TAFA2: variants seen among roughly 807,000 people sequenced by gnomAD.
TAFA2 encodes the protein chemokine-like protein TAFA-2.
Under a neutral mutation model 18.8 loss-of-function variants are expected in TAFA2, and 7 were observed. The ratio of observed to expected loss-of-function variants is 0.37; its 90% CI spans 0.21 to 0.70. The LOEUF is 0.70. TAFA2 is among the 30% of genes least tolerant of loss of function. TAFA2 has a pLI of 0.53. For synonymous variants in TAFA2, 60 were observed against 54.2 expected, an observed-to-expected ratio of 1.11 and a Z score of -0.47; for missense variants, 122 against 158.1, an observed-to-expected ratio of 0.77 and a Z score of 1.23.
At chr12:62,083,657 A>G (rs1868357422) in intron 1 of TAFA2, among the ~76,000 whole-genome samples, 1 of 152,204 alleles carries the variant, frequency 6.6e-6, no homozygotes, top group African/African-American at 2.4e-5. Context: ...TGCCATTAAG[A>G]AATTTGGTTC....
At chr12:62,185,957 T>A (rs1189670869) in intron 1 of TAFA2, among the ~76,000 whole-genome samples, 2 of 152,222 alleles carry the variant, frequency 1.3e-5, no homozygotes, top group Non-Finnish European at 2.9e-5. Context: ...GACAATAATT[T>A]TGAATGATCA....
chr12:61,834,962 T>C (rs1872859695), intron 2 of TAFA2, among the ~76,000 whole-genome samples: 1 of 151,990 alleles, frequency 6.6e-6, no homozygotes, highest in African/African-American at 2.4e-5. Context: ...CTTTTTTCTG[T>C]CATTTTCTTA....
chr12:61,961,961 T>C (rs186610226), intron 1 of TAFA2, among the ~76,000 whole-genome samples: 31 of 152,180 alleles, frequency 2.0e-4, no homozygotes, highest in Admixed American at 3.9e-4. Flanking sequence ...TGTACTTATT[T>C]CCTCTAATCA....
intron 2 of TAFA2, among the ~76,000 whole-genome samples, chr12:61,794,766 A>G (rs2120938500): frequency 6.6e-6 from 1 of 152,294 alleles, no homozygotes; most frequent in East Asian, 1.9e-4. Context: ...GCACAGCAAA[A>G]GAAACCACCA....
intron 1 of TAFA2, among the ~76,000 whole-genome samples, chr12:62,162,785 T>C (rs1409044917): frequency 1.3e-5 from 2 of 152,050 alleles, no homozygotes; most frequent in African/African-American, 4.8e-5. Flanking sequence ...CAAATAGAAA[T>C]TTAGATCAAT....
chr12:61,883,794 C>A (rs1875251221), intron 1 of TAFA2, among the ~76,000 whole-genome samples: 1 of 152,172 alleles, frequency 6.6e-6, no homozygotes, highest in African/African-American at 2.4e-5. Context: ...ATTACTTTAA[C>A]TCAGTTTTTC....
chr12:62,114,716 C>A (rs904647057), intron 1 of TAFA2, among the ~76,000 whole-genome samples: 2 of 152,168 alleles, frequency 1.3e-5, no homozygotes, highest in Non-Finnish European at 1.5e-5. Flanking sequence ...CCGAGGTTCA[C>A]AAAGGTACTA....
chr12:61,765,038 G>A (rs771728504), intron 2 of TAFA2, among the ~76,000 whole-genome samples: 3 of 152,098 alleles, frequency 2.0e-5, no homozygotes, highest in Non-Finnish European at 4.4e-5. Flanking sequence ...AGAAGAAAGT[G>A]CTTTCCTATG....
At chr12:62,086,697 G>T (rs541062757) in intron 1 of TAFA2, among the ~76,000 whole-genome samples, 236 of 152,212 alleles carry the variant, frequency 1.6e-3, no homozygotes, top group African/African-American at 5.5e-3. Flanking sequence ...CTTGCTCATT[G>T]CTGGAGGGAA....
intron 1 of TAFA2, among the ~76,000 whole-genome samples, chr12:62,119,767 C>T (rs985248788): frequency 6.6e-6 from 1 of 152,132 alleles, no homozygotes; most frequent in Non-Finnish European, 1.5e-5. Context: ...GGTATGACTG[C>T]ATCTCTGTAA....
At chr12:62,108,815 C>T (rs1330643954) in intron 1 of TAFA2, among the ~76,000 whole-genome samples, 5 of 152,160 alleles carry the variant, frequency 3.3e-5, no homozygotes, top group African/African-American at 1.2e-4. Context: ...ATATCCTTCA[C>T]CCACTTTTTG....
intron 1 of TAFA2, among the ~76,000 whole-genome samples, chr12:62,072,203 G>A (rs1463120803): frequency 1.3e-5 from 2 of 151,928 alleles, no homozygotes; most frequent in African/African-American, 2.4e-5. Context: ...GGTGGCTCAC[G>A]CCTGTAATCC....
intron 2 of TAFA2, among the ~76,000 whole-genome samples, chr12:61,793,700 C>T (rs1871077852): frequency 6.6e-6 from 1 of 151,694 alleles, no homozygotes; most frequent in African/African-American, 2.4e-5. Flanking sequence ...TATGAAAACC[C>T]TTTCAAAAAA....
intron 1 of TAFA2, among the ~76,000 whole-genome samples, chr12:62,105,289 T>C (rs1220795763): frequency 6.6e-6 from 1 of 152,198 alleles, no homozygotes; most frequent in Non-Finnish European, 1.5e-5. Flanking sequence ...ACCACATGCA[T>C]TATAGACTGC....
intron 1 of TAFA2, among the ~76,000 whole-genome samples, chr12:61,936,263 T>C (rs1274713152): frequency 6.6e-6 from 1 of 152,102 alleles, no homozygotes; most frequent in Non-Finnish European, 1.5e-5. Flanking sequence ...GAAAAAGCAT[T>C]CAACAAAATC....
chr12:62,258,299 T>C (rs1286344188), intron 1 of TAFA2: 2 of 152,202 alleles, frequency 1.3e-5, no homozygotes, highest in African/African-American at 4.8e-5. Flanking sequence ...TAATTCAAAT[T>C]GGCATTGAAT....
Position 62,102,563 on chromosome 12 carries a change from T to G in TAFA2, c.-2+88696A>C, listed in dbSNP as rs188357331. Among the ~76,000 whole-genome samples the G allele has an allele frequency of 1.6e-3, 238 of 152,292 alleles. 1 individual carries two copies. The highest frequency in any genetic ancestry group is 2.3e-3 in the Non-Finnish European group (159 of 68,024). On this transcript the variant is annotated intron_variant, in intron 1 of 4. Coordinates refer to ENST00000416284, the MANE Select transcript of TAFA2 (RefSeq NM_178539.5). Reference sequence around the variant, plus strand: ...ACAGAATGTACAATGATTGCTGAAATGGTGATTCCTGAGATCTTTTCCAGT... The same window carrying G: ...ACAGAATGTACAATGATTGCTGAAAGGGTGATTCCTGAGATCTTTTCCAGT...
chr12:62,244,850 A>G (rs1420493643), intron 1 of TAFA2, among the ~76,000 whole-genome samples: 1 of 152,116 alleles, frequency 6.6e-6, no homozygotes, highest in Non-Finnish European at 1.5e-5. Context: ...ATTGTCATTC[A>G]GGTCTCCTTT....
At chr12:61,908,228 T>G (rs1876447971) in intron 1 of TAFA2, among the ~76,000 whole-genome samples, 1 of 152,166 alleles carries the variant, frequency 6.6e-6, no homozygotes, top group African/African-American at 2.4e-5. Context: ...GAATTATAGC[T>G]TTCATAATTC....
Sources: gnomAD v4.1 joint callset for allele counts (sites outside exome capture counted in the v4.1 genomes callset) on GRCh38, gnomAD v4.1.1 for gene constraint, MANE v1.5 for transcripts, NCBI Gene and HGNC (gene_info 2026-07-23, HGNC 2026-07-21) for gene names.